GLOD4: variants seen among roughly 807,000 people sequenced by gnomAD.
The protein encoded by GLOD4 is glyoxalase domain-containing protein 4.
GLOD4 carries 44 observed loss-of-function variants against 39.1 expected under a neutral mutation model. The ratio of observed to expected loss-of-function variants is 1.13; its 90% CI spans 0.88 to 1.45. GLOD4 has a LOEUF of 1.45. GLOD4 is among the 40% of genes most tolerant of loss of function. The pLI, the probability that GLOD4 is intolerant of heterozygous loss-of-function variation, is 0.00. For synonymous variants in GLOD4, 145 were observed against 135.0 expected (o/e 1.07, Z -0.52); for missense variants, 405 against 366.4 (o/e 1.11, Z -0.86).
chr17:782,428 A>T, upstream of GLOD4: 1 of 1,614,000 alleles, frequency 6.2e-7, no homozygotes, highest in Non-Finnish European at 8.5e-7. Flanking sequence ...CCGTTGCTGC[A>T]GGTGGTCCAG....
At chr17:761,623 G>A (rs995581726) in intron 8 of GLOD4, among the ~76,000 whole-genome samples, 1 of 152,150 alleles carries the variant, frequency 6.6e-6, no homozygotes, top group Non-Finnish European at 1.5e-5. Flanking sequence ...TCCTGCCTCA[G>A]CCTCCCAAGT....
chr17:771,905 C>T (rs764161812), intron 4 of GLOD4, among the ~76,000 whole-genome samples: 1 of 149,862 alleles, frequency 6.7e-6, no homozygotes, highest in Non-Finnish European at 1.5e-5. Flanking sequence ...CCCAGCTACT[C>T]GGGAGGCTGA....
At chr17:783,863 A>AT (rs1229347347), upstream of GLOD4, among the ~76,000 whole-genome samples, 2 of 152,054 alleles carry the variant, frequency 1.3e-5, no homozygotes, top group African/African-American at 4.8e-5. Context: ...CAAACCTTCT[A>AT]TTTTTTAGAT....
upstream of GLOD4, chr17:782,734 T>G (rs760943459): frequency 6.4e-7 from 1 of 1,553,004 alleles, no homozygotes; most frequent in Non-Finnish European, 8.7e-7. Context: ...TCGTTTCCCT[T>G]CCCGTCGCAC....
intron 8 of GLOD4, among the ~76,000 whole-genome samples, chr17:767,371 G>A (rs1342365963): frequency 1.3e-5 from 2 of 152,160 alleles, no homozygotes; most frequent in East Asian, 1.9e-4. Context: ...TGCTATATTT[G>A]GCAAGAAACA....
rs143088969 is a variant in GLOD4, at chr17:776,889, G to T, written c.240C>A (p.Tyr80Ter). Residue 80 changes from tyrosine (Y) to a stop codon, truncating the protein, a stop_gained, in exon 3 of 9, where the codon TAC becomes TAA. Coordinates refer to ENST00000301329, the MANE Select transcript of GLOD4 (RefSeq NM_016080.4). LOFTEE classifies it high-confidence loss of function. ...TTACCATAAAGTCATTGCCAAGCTT[G>T]TAGTCTCCGACGCCATAATTGTAAG... ...ELTYNYGVGD[Y>*]KLGNDFMGIT... The T allele has an allele frequency of 2.5e-6, 4 of 1,613,070 alleles. No homozygotes were observed. Among genetic ancestry groups the T allele is most frequent in the African/African-American group, 1.3e-5 (1 of 74,888 alleles).
intron 8 of GLOD4, 126 bp from the exon 9 acceptor site, chr17:760,364 CG>C (rs1195956590): frequency 1.6e-6 from 1 of 611,958 alleles, no homozygotes; most frequent in African/African-American, 1.9e-5. Context: ...CCCAAACCCC[CG>C]CTCCAAAAAA....
chr17:782,156 C>T lies in GLOD4; in HGVS notation c.90+10G>A. 1 of 1,583,006 alleles carries T rather than the reference C, an allele frequency of 6.3e-7. No homozygotes were observed. Among genetic ancestry groups the T allele is most frequent in the African/African-American group, 1.3e-5 (1 of 74,426 alleles). On this transcript the variant is annotated intron_variant, in intron 1 of 8. Transcript: ENST00000301329. ...CTCGCGCGCCAGCCCCTGTCGGCCC[C>T]GGCCTGCACCTTCATCCCCAGGACG...
At position 770,836 on chromosome 17, in the gene GLOD4, G is replaced by A. The variant is rs1382505634; in HGVS notation, c.544-329C>T. The A allele has an allele frequency of 2.1e-5, 5 of 238,718 alleles. No homozygotes were observed. The Admixed American group carries it at 2.5e-4, about 12-fold the overall frequency. The allele number at this position is 238,718 out of a possible 1,614,324, so 14.8% of individuals were successfully genotyped here. On this transcript the variant is annotated intron_variant, in intron 5 of 8. Coordinates refer to ENST00000301329, the MANE Select transcript of GLOD4 (RefSeq NM_016080.4). ...ACATAGTAATCCATTCCATGAATGA[G>A]CCGTAAATTACTGAAATATGTCTCT...
At chr17:782,522 G>T, upstream of GLOD4, 2 of 1,613,654 alleles carry the variant, frequency 1.2e-6, no homozygotes, top group Non-Finnish European at 1.7e-6. Flanking sequence ...GAGAGGTGGT[G>T]GAACAGAAGC....
upstream of GLOD4, among the ~76,000 whole-genome samples, chr17:784,739 TC>T (rs1200760626): frequency 6.6e-6 from 1 of 152,222 alleles, no homozygotes; most frequent in African/African-American, 2.4e-5. Flanking sequence ...CTCCCCAGAA[TC>T]CAGCGACATA....
At chr17:782,430 G>T, upstream of GLOD4, 1 of 1,614,038 alleles carries the variant, frequency 6.2e-7, no homozygotes, top group East Asian at 2.2e-5. Context: ...GTTGCTGCAG[G>T]TGGTCCAGGC....
At chr17:764,809 C>T (rs922003314) in intron 8 of GLOD4, 13 of 141,706 alleles carry the variant, frequency 9.2e-5, no homozygotes, top group African/African-American at 3.0e-4. Flanking sequence ...GAGATCGAGA[C>T]CATCCTGGCT....
At chr17:766,924 T>A (rs540392608) in intron 8 of GLOD4, among the ~76,000 whole-genome samples, 2 of 152,362 alleles carry the variant, frequency 1.3e-5, no homozygotes, top group East Asian at 3.9e-4. Flanking sequence ...GTAATTAATT[T>A]AATTAAATTA....
At chr17:769,724 G>A (rs925697617) in intron 8 of GLOD4, 145 bp downstream of exon 8, 12 of 643,600 alleles carry the variant, frequency 1.9e-5, no homozygotes, top group African/African-American at 5.5e-5. Flanking sequence ...TGAAGACATC[G>A]GTCCTTGGCT....
At chr17:769,718 G>A (rs908045260) in intron 8 of GLOD4, 151 bp downstream of exon 8, 1 of 635,990 alleles carries the variant, frequency 1.6e-6, no homozygotes, top group Non-Finnish European at 2.8e-6. Context: ...TGGCAGTGAA[G>A]ACATCGGTCC....
upstream of GLOD4, chr17:782,405 G>T (rs762423522): frequency 3.1e-6 from 5 of 1,613,772 alleles, no homozygotes; most frequent in Non-Finnish European, 4.2e-6. Flanking sequence ...GACCCGCGAG[G>T]TTTGTCGTGC....
upstream of GLOD4, among the ~76,000 whole-genome samples, chr17:784,221 C>T (rs1284703424): frequency 6.6e-6 from 1 of 152,118 alleles, no homozygotes; most frequent in African/African-American, 2.4e-5. Context: ...AAACTGAATC[C>T]TTGAACTGCT....
intron 8 of GLOD4, among the ~76,000 whole-genome samples, chr17:767,034 T>C (rs562727966): frequency 6.6e-6 from 1 of 152,366 alleles, no homozygotes; most frequent in Non-Finnish European, 1.5e-5. Flanking sequence ...TTTCTATACA[T>C]TGCCTGCTTT....
Sources: gnomAD v4.1 joint callset for allele counts (sites outside exome capture counted in the v4.1 genomes callset) on GRCh38, gnomAD v4.1.1 for gene constraint, MANE v1.5 for transcripts, NCBI Gene and HGNC (gene_info 2026-07-23, HGNC 2026-07-21) for gene names.